Variants in CHD6 observed in about 807,000 individuals in gnomAD.
CHD6 encodes ATP-dependent chromatin remodeler CHD6.
CHD6 carries 50 observed loss-of-function variants against 276.9 expected under a neutral mutation model. That is an observed-to-expected ratio of 0.18 (90% CI 0.14 to 0.23). The LOEUF (loss-of-function observed/expected upper bound fraction) is 0.23. Among genes scored for constraint, CHD6 ranks in the 10% least tolerant of loss-of-function variants. The pLI, the probability that CHD6 is intolerant of heterozygous loss-of-function variation, is 1.00. For synonymous variants in CHD6, 1,173 were observed against 1,229.3 expected (o/e 0.95, Z 0.96); for missense variants, 2,564 against 3,365.8 (o/e 0.76, Z 5.89).
chr20:41,531,684 C>G lies in CHD6; in HGVS notation c.554+1366G>C, dbSNP rs1000388073. On this transcript the variant is annotated intron_variant, in intron 3 of 36. Transcript: ENST00000373233. Reference sequence around the variant, plus strand: ...TCTGTGGTAGATGAAAGATGAAATTCCCTGCCAGACAGAAGGGAGTGAACA... The same window carrying G: ...TCTGTGGTAGATGAAAGATGAAATTGCCTGCCAGACAGAAGGGAGTGAACA... 2.0e-5 allele frequency among the ~76,000 whole-genome samples: 3 copies of G among 152,200 alleles called. No individual in the cohort carries two copies. The East Asian group carries it at 5.8e-4, about 29-fold the overall frequency.
At chr20:41,455,488 C>G (rs1175262426) in intron 19 of CHD6, among the ~76,000 whole-genome samples, 2 of 152,202 alleles carry the variant, frequency 1.3e-5, no homozygotes, top group African/African-American at 4.8e-5. Context: ...ACAAGGGAAT[C>G]AAGATGTCCA....
At chr20:41,509,073 G>T (rs1304496532) in intron 5 of CHD6, among the ~76,000 whole-genome samples, 5 of 152,116 alleles carry the variant, frequency 3.3e-5, no homozygotes, top group Admixed American at 3.3e-4. Context: ...AGTGATGCCT[G>T]TTTTTGCAAA....
intron 1 of CHD6, among the ~76,000 whole-genome samples, chr20:41,604,036 G>T (rs1162354606): frequency 6.6e-6 from 1 of 151,524 alleles, no homozygotes; most frequent in Non-Finnish European, 1.5e-5. Flanking sequence ...TGGGTAGGTA[G>T]GGGGTGTCAG....
intron 2 of CHD6, among the ~76,000 whole-genome samples, chr20:41,549,689 A>G (rs1302984444): frequency 6.6e-6 from 1 of 152,148 alleles, no homozygotes; most frequent in Non-Finnish European, 1.5e-5. Flanking sequence ...CATAAAAAAA[A>G]AAGCTTATCT....
rs185182332 is a variant in CHD6 at position 41,543,359 on chromosome 20, T to C, written c.33+7946A>G. On this transcript the variant is annotated intron_variant, in intron 2 of 36. Transcript: ENST00000373233. ...GCCATTGCTTTTAATCACTTCACAC[T>C]GTCTCGTGTACTGGATACAACAAAC... Among the ~76,000 whole-genome samples the C allele has an allele frequency of 2.9e-3, 445 of 152,326 alleles. 2 individuals carry two copies. The highest frequency in any genetic ancestry group is 2.7e-3 in the Non-Finnish European group (184 of 68,038).
chr20:41,422,983 G>A lies in CHD6; in HGVS notation c.4555+509C>T, dbSNP rs2047244008. Among the ~76,000 whole-genome samples the A allele has an allele frequency of 2.6e-5, 4 of 152,206 alleles. No homozygotes were observed. In the South Asian group the frequency reaches 8.3e-4, roughly 32 times the overall value. On this transcript the variant is annotated intron_variant, in intron 30 of 36. Coordinates refer to ENST00000373233, the MANE Select transcript of CHD6 (RefSeq NM_032221.5). ...CTCCATCTACAAATACGAGGCTACA[G>A]GGAGGCCTGAAGGAAGCTGTTGCAA...
intron 15 of CHD6, 119 bp from the exon 16 acceptor site, chr20:41,483,638 G>T: frequency 1.4e-6 from 1 of 705,228 alleles, no homozygotes; most frequent in East Asian, 2.7e-5. Context: ...CAGCAGTCCA[G>T]TGAGGAGATG....
intron 26 of CHD6, 94 bp downstream of exon 26, chr20:41,439,906 G>A (rs2047846508): frequency 1.5e-6 from 2 of 1,315,586 alleles, no homozygotes; most frequent in South Asian, 1.3e-5. Flanking sequence ...GCCAGATGCT[G>A]AGGAAGAGAT....
intron 33 of CHD6, 96 bp from the exon 34 acceptor site, chr20:41,415,734 G>A: frequency 1.1e-6 from 1 of 913,814 alleles, no homozygotes; most frequent in Non-Finnish European, 1.6e-6. Flanking sequence ...GCCTCATATT[G>A]TTTCCAATCA....
intron 27 of CHD6, among the ~76,000 whole-genome samples, chr20:41,428,331 T>A (rs1443435198): frequency 6.6e-6 from 1 of 152,206 alleles, no homozygotes; most frequent in Non-Finnish European, 1.5e-5. Flanking sequence ...AATGTGAGTG[T>A]GTGTGAGGTG....
intron 1 of CHD6, among the ~76,000 whole-genome samples, chr20:41,609,188 C>A (rs2045859925): frequency 6.6e-6 from 1 of 152,140 alleles, no homozygotes; most frequent in Non-Finnish European, 1.5e-5. Flanking sequence ...AGTGGCATGT[C>A]TGTAGTCCCA....
At chr20:41,433,499 T>C (rs529205869) in intron 27 of CHD6, among the ~76,000 whole-genome samples, 11 of 152,218 alleles carry the variant, frequency 7.2e-5, no homozygotes, top group African/African-American at 2.6e-4. Flanking sequence ...GAATCCTCCA[T>C]TTGGTGAAAA....
At chr20:41,567,996 G>A (rs371459219) in intron 1 of CHD6, among the ~76,000 whole-genome samples, 1 of 152,224 alleles carries the variant, frequency 6.6e-6, no homozygotes, top group South Asian at 2.1e-4. Flanking sequence ...AATATTCTGA[G>A]AAAATATGTA....
chr20:41,491,643 T>A, intron 11 of CHD6, 55 bp downstream of exon 11: 1 of 1,610,314 alleles, frequency 6.2e-7, no homozygotes, highest in South Asian at 1.1e-5. Context: ...TGTTCCAGGC[T>A]AAGGCAATAA....
intron 29 of CHD6, 133 bp from the exon 30 acceptor site, chr20:41,423,833 T>A (rs769676730): frequency 2.9e-6 from 2 of 684,066 alleles, no homozygotes; most frequent in Non-Finnish European, 4.9e-6. Context: ...TCTTTTATTA[T>A]TTTTATTTAA....
Position 41,484,494 on chromosome 20 carries a change from A to G in CHD6, c.2115T>C (p.Asn705=). 2 of 1,613,890 alleles carry G rather than the reference A, an allele frequency of 1.2e-6. No homozygotes were observed. The highest frequency in any genetic ancestry group is 1.7e-6 in the Non-Finnish European group (2 of 1,179,860). The part of the protein sequence containing the change: ...QETIIEVELT[N]IQKKYYRAIL... ...TGGCACGGTAGTACTTTTTCTGGATATTGGTCAGTTCCACCTCAATGATCG... is the reference window on the plus strand; with the variant it reads ...TGGCACGGTAGTACTTTTTCTGGATGTTGGTCAGTTCCACCTCAATGATCG... Residue 705 remains asparagine, a synonymous_variant, in exon 15 of 37, where the codon AAT becomes AAC. Coordinates refer to ENST00000373233, the MANE Select transcript of CHD6 (RefSeq NM_032221.5).
chr20:41,447,904 C>T lies in CHD6; in HGVS notation c.3751G>A (p.Ala1251Thr), dbSNP rs2048119688. ...AEILGEAAEK[A>T]FEGSPARELD... is the part of the protein sequence containing the mutation. ...TACCTGGCAGGAGATCCTTCAAATG[C>T]TTTCTCAGCTGCTTCTCCCAGTATT... is the stretch of plus-strand genomic sequence containing the variant. Residue 1251 changes from alanine to threonine, a missense_variant, in exon 24 of 37, where the codon GCA becomes ACA. Physicochemically the swap from Ala to Thr is moderately conservative, Grantham distance 58 (BLOSUM62 0). This residue lies in a region of CHD6 where 515 missense variants were observed against 739.5 expected (regional missense o/e 0.70). Transcript: ENST00000373233. The T allele has an allele frequency of 6.2e-7, 1 of 1,611,268 alleles. No homozygotes were observed. Among genetic ancestry groups the T allele is most frequent in the Non-Finnish European group, 8.5e-7 (1 of 1,178,552 alleles).
chr20:41,515,669 A>G (rs1568663866), intron 3 of CHD6, among the ~76,000 whole-genome samples: 1 of 152,242 alleles, frequency 6.6e-6, no homozygotes, highest in Non-Finnish European at 1.5e-5. Context: ...GTTGTTAACT[A>G]CAATATGAGG....
chr20:41,456,359 G>A (rs1319490134), intron 18 of CHD6, among the ~76,000 whole-genome samples: 1 of 151,256 alleles, frequency 6.6e-6, no homozygotes, highest in Non-Finnish European at 1.5e-5. Context: ...ACAAGCAGAA[G>A]AACAATGATT....
Sources: allele counts gnomAD v4.1 joint callset (sites outside exome capture counted in the v4.1 genomes callset), GRCh38; gene constraint gnomAD v4.1.1; regional missense constraint gnomAD v4.1.1; transcripts MANE v1.5; gene names NCBI Gene and HGNC (gene_info 2026-07-23, HGNC 2026-07-21).